The following PRDM13 variants were observed in gnomAD, a reference collection of about 807,000 sequenced individuals.
PRDM13 encodes PR domain zinc finger protein 13.
A neutral mutation model predicts 36.4 loss-of-function variants in PRDM13; 15 were observed. The observed-to-expected ratio is 0.41, with a 90% CI of 0.28 to 0.64. PRDM13 has a LOEUF of 0.64. Among genes scored for constraint, PRDM13 ranks in the 30% least tolerant of loss-of-function variants. The pLI, the probability that PRDM13 is intolerant of heterozygous loss-of-function variation, is 0.29. For missense variants in PRDM13, 1,044 were observed against 1,013.5 expected (o/e 1.03, Z -0.41); for synonymous variants, 531 against 467.7 (o/e 1.14, Z -1.75).
Position 99,614,832 on chromosome 6 carries a change from C to T in PRDM13, c.*73C>T, listed in dbSNP as rs1023047345. 3 of 1,503,058 alleles carry T rather than the reference C, an allele frequency of 2.0e-6. No individual in the cohort carries two copies. Among genetic ancestry groups the T allele is most frequent in the South Asian group, 1.3e-5 (1 of 74,552 alleles). 93.1% of individuals were successfully genotyped at this position (1,503,058 alleles called of 1,614,324 possible). ...GTTTATTCTCGCAGTAGAGGAACTCCTGGTGGTGGGAAGAGGGACCCAATG... is the reference window on the plus strand; with the variant it reads ...GTTTATTCTCGCAGTAGAGGAACTCTTGGTGGTGGGAAGAGGGACCCAATG... On this transcript the variant is annotated 3_prime_UTR_variant, in exon 4 of 4. Transcript: ENST00000369215.
rs1255626650 is a variant in PRDM13 at position 99,608,883 on chromosome 6, C to A, written c.276+11C>A. On this transcript the variant is annotated intron_variant, in intron 2 of 3. Coordinates refer to ENST00000369215, the MANE Select transcript of PRDM13 (RefSeq NM_021620.4). The stretch of plus-strand genomic sequence containing the variant: ...TTACCCGGAGGACAGGTACTGCGGG[C>A]TTCTCTCCACACCCCCCCACTCCCC... 2.5e-6 allele frequency: 4 copies of A among 1,607,656 alleles called. No individual in the cohort carries two copies. Among genetic ancestry groups the A allele is most frequent in the Middle Eastern group, 3.3e-4 (2 of 6,054 alleles).
At position 99,614,006 on chromosome 6, in the gene PRDM13, C is replaced by T. The variant is rs750384764; in HGVS notation, c.1371C>T (p.Ala457=). The T allele has an allele frequency of 2.5e-6, 4 of 1,609,980 alleles. No individual in the cohort carries two copies. In the South Asian group the frequency reaches 4.4e-5, roughly 18 times the overall value. Residue 457 remains alanine, a synonymous_variant, in exon 4 of 4, where the codon GCC becomes GCT. Transcript: ENST00000369215. Reference sequence around the variant, plus strand: ...GTGGTGAGTGCAGCCACCTGCCCGCCGTCATGCCGGCCTTTACAGTCTACA... The same window carrying T: ...GTGGTGAGTGCAGCCACCTGCCCGCTGTCATGCCGGCCTTTACAGTCTACA... ...YPGGECSHLP[A]VMPAFTVYNG...
In PRDM13 at chr6:99,609,257, C is replaced by T. The variant is rs749557125; in HGVS notation, c.347C>T (p.Ala116Val). 6.2e-7 allele frequency: 1 copy of T among 1,613,898 alleles called. No individual in the cohort carries two copies. Among genetic ancestry groups the T allele is most frequent in the South Asian group, 1.1e-5 (1 of 91,062 alleles). Residue 116 changes from alanine to valine, a missense_variant, in exon 3 of 4, where the codon GCT (alanine) becomes GTT (valine). Physicochemically the swap from Ala to Val is moderately conservative, Grantham distance 64. Transcript: ENST00000369215. ...ACAGTGTGGTATTCTAACTCCTTGGCTCAGTGGTTCGACATCCCCACCACA... is the reference window on the plus strand; with the variant it reads ...ACAGTGTGGTATTCTAACTCCTTGGTTCAGTGGTTCGACATCCCCACCACA... ...ELTVWYSNSL[A>V]QWFDIPTTAT... is the part of the protein sequence containing the mutation.
intron 3 of PRDM13, among the ~76,000 whole-genome samples, chr6:99,612,043 A>G (rs1178471753): frequency 2.0e-5 from 3 of 152,244 alleles, no homozygotes; most frequent in African/African-American, 7.2e-5. Flanking sequence ...TAATAATACT[A>G]AACACATAAA....
At position 99,613,214 on chromosome 6, in the gene PRDM13, A is replaced by G. The variant is rs1583615998; in HGVS notation, c.579A>G (p.Lys193=). 10 of 1,610,808 alleles carry G rather than the reference A, an allele frequency of 6.2e-6. No homozygotes were observed. Among genetic ancestry groups the G allele is most frequent in the Non-Finnish European group, 8.5e-6 (10 of 1,179,454 alleles). The change falls in exon 4 of 4, where the codon AAA becomes AAG. Residue 193 remains lysine (K), a synonymous_variant. Coordinates refer to ENST00000369215, the MANE Select transcript of PRDM13 (RefSeq NM_021620.4). This position sits in a 1 kb window ranked among gnomAD's most constrained non-coding sequence, Gnocchi z 6.1. The part of the protein sequence containing the change: ...PAADGLGLSP[K]PPAPDFAAPS... Reference sequence around the variant, plus strand: ...CTGATGGCCTCGGTCTCTCCCCAAAACCCCCGGCGCCCGATTTCGCCGCGC... The same window carrying G: ...CTGATGGCCTCGGTCTCTCCCCAAAGCCCCCGGCGCCCGATTTCGCCGCGC...
chr6:99,612,745 C>T (rs1244652888), intron 3 of PRDM13, among the ~76,000 whole-genome samples: 1 of 152,200 alleles, frequency 6.6e-6, no homozygotes, highest in East Asian at 1.9e-4. Flanking sequence ...CTGAGTGCTG[C>T]CCTTCCAACG....
chr6:99,612,892 G>T, intron 3 of PRDM13, 141 bp from the exon 4 acceptor site: 1 of 1,460,482 alleles, frequency 6.8e-7, no homozygotes. Flanking sequence ...CCTCGATACA[G>T]TAGGGCTACC....
At chr6:99,612,546 A>C (rs1364897735) in intron 3 of PRDM13, among the ~76,000 whole-genome samples, 1 of 152,188 alleles carries the variant, frequency 6.6e-6, no homozygotes, top group Non-Finnish European at 1.5e-5. Flanking sequence ...TGGCCTATAC[A>C]TACAGGATAT....
chr6:99,608,922 T>A (rs1416116556), intron 2 of PRDM13, 50 bp downstream of exon 2: 1 of 1,585,662 alleles, frequency 6.3e-7, no homozygotes, highest in Admixed American at 1.8e-5. Context: ...GCCAATTCAG[T>A]CTACCTAACC....
chr6:99,612,724 G>A (rs1770049127), intron 3 of PRDM13, among the ~76,000 whole-genome samples: 1 of 152,136 alleles, frequency 6.6e-6, no homozygotes, highest in Non-Finnish European at 1.5e-5. Flanking sequence ...GCTCTTACAC[G>A]GCCAGCCTGC....
In PRDM13 at chr6:99,607,192, A is replaced by G. The variant is rs779451337; in HGVS notation, c.144+14A>G. 16 of 1,612,690 alleles carry G rather than the reference A, an allele frequency of 9.9e-6. No homozygotes were observed. In the East Asian group the frequency reaches 1.3e-4, roughly 13 times the overall value. On this transcript the variant is annotated intron_variant, in intron 1 of 3. Transcript: ENST00000369215. Reference sequence around the variant, plus strand: ...CCTAAGAAAAAGGTATTGACCATTCAGACCTCTGCCCACTGCCATTCGCCT... The same window carrying G: ...CCTAAGAAAAAGGTATTGACCATTCGGACCTCTGCCCACTGCCATTCGCCT...
Position 99,614,237 on chromosome 6 carries a change from C to T in PRDM13, c.1602C>T (p.Ala534=), listed in dbSNP as rs1368197710. The change falls in exon 4 of 4, where the codon GCC becomes GCT. Residue 534 remains alanine, a synonymous_variant. Transcript: ENST00000369215. Reference sequence around the variant, plus strand: ...ATCAGCAGCTGTCCGAGATGGCTGCCGGGAAGGGTCGCGGACGCCTGGACT... The same window carrying T: ...ATCAGCAGCTGTCCGAGATGGCTGCTGGGAAGGGTCGCGGACGCCTGGACT... ...MHNQQLSEMA[A]GKGRGRLDSG... 5.0e-6 allele frequency: 8 copies of T among 1,609,224 alleles called. No individual in the cohort carries two copies. The highest frequency in any genetic ancestry group is 1.3e-5 in the African/African-American group (1 of 74,994).
intron 3 of PRDM13, 145 bp from the exon 4 acceptor site, chr6:99,612,888 T>C (rs1458544512): frequency 2.1e-6 from 3 of 1,451,246 alleles, no homozygotes; most frequent in African/African-American, 1.4e-5. Context: ...GGGTCCTCGA[T>C]ACAGTAGGGC....
In PRDM13 at chr6:99,613,823, G is replaced by A. The variant is rs1014994212; in HGVS notation, c.1188G>A (p.Pro396=). The A allele has an allele frequency of 6.9e-5, 105 of 1,511,014 alleles. No homozygotes were observed. The African/African-American group carries it at 1.1e-3, about 16-fold the overall frequency. 93.6% of individuals were successfully genotyped at this position (1,511,014 alleles called of 1,614,324 possible). ...GCTTCCCTCTGCTCTCCGTCCCCCC[G>A]GAAGAGGCGTCCGCCTTCAAGCACG... is the stretch of plus-strand genomic sequence containing the variant. ...LRGFPLLSVP[P]EEASAFKHVE... The change falls in exon 4 of 4, where the codon CCG becomes CCA. Residue 396 remains proline, a synonymous_variant. Coordinates refer to ENST00000369215, the MANE Select transcript of PRDM13 (RefSeq NM_021620.4). The surrounding 1 kb of genome is among the most constrained non-coding windows in gnomAD (Gnocchi z 6.1).
chr6:99,611,543 C>T (rs1411456002), intron 3 of PRDM13, among the ~76,000 whole-genome samples: 1 of 152,154 alleles, frequency 6.6e-6, no homozygotes, highest in Admixed American at 6.5e-5. Flanking sequence ...TAGGCAAATA[C>T]TCTTCTCCCA....
Position 99,606,942 on chromosome 6 carries a change from G to A in PRDM13, c.-93G>A. The A allele has an allele frequency of 1.4e-6, 2 of 1,415,652 alleles. No homozygotes were observed. Among genetic ancestry groups the A allele is most frequent in the East Asian group, 2.6e-5 (1 of 38,138 alleles). The allele number at this position is 1,415,652 out of a possible 1,614,324, so 87.7% of individuals were successfully genotyped here. ...GGGCGGAGGACGCACGTCGGGGCGC[G>A]GCTCTCTGGCTAGCGCGCAGCTCCA... On this transcript the variant is annotated 5_prime_UTR_variant, in exon 1 of 4. Coordinates refer to ENST00000369215, the MANE Select transcript of PRDM13 (RefSeq NM_021620.4).
In PRDM13 at chr6:99,613,179, G is replaced by A. The variant is rs767483116; in HGVS notation, c.544G>A (p.Val182Ile). The stretch of plus-strand genomic sequence containing the variant: ...CGAACACGCGGCTCGCCAAGGCGCC[G>A]TCCCAGCGGCTGATGGCCTCGGTCT... ...HHEHAARQGAVPAADGLGLSP... is the reference protein window; with the variant it reads ...HHEHAARQGAIPAADGLGLSP... Residue 182 changes from valine to isoleucine, a missense_variant, in exon 4 of 4, where the codon GTC becomes ATC. Val to Ile is a conservative substitution (Grantham distance 29, BLOSUM62 3). This residue lies in a region of PRDM13 where 921 missense variants were observed against 865.2 expected (regional missense o/e 1.06). Transcript: ENST00000369215. This position sits in a 1 kb window ranked among gnomAD's most constrained non-coding sequence, Gnocchi z 6.1. 24 of 1,612,656 alleles carry A rather than the reference G, an allele frequency of 1.5e-5. No homozygotes were observed. The East Asian group carries it at 3.6e-4, about 24-fold the overall frequency.
In PRDM13 at chr6:99,613,958, G is replaced by C. The variant is rs769989460; in HGVS notation, c.1323G>C (p.Pro441=). The C allele has an allele frequency of 1.3e-6, 2 of 1,593,302 alleles. No individual in the cohort carries two copies. The highest frequency in any genetic ancestry group is 2.4e-5 in the East Asian group (1 of 42,396). Residue 441 remains proline, a synonymous_variant, in exon 4 of 4, where the codon CCG becomes CCC. Coordinates refer to ENST00000369215, the MANE Select transcript of PRDM13 (RefSeq NM_021620.4). The surrounding 1 kb of genome is among the most constrained non-coding windows in gnomAD (Gnocchi z 6.1). The part of the protein sequence containing the change: ...LERCALPPLD[P]GGLKAYPGGE... ...GCTGCGCGCTGCCGCCCCTCGACCC[G>C]GGCGGTCTCAAAGCCTATCCGGGTG...
Position 99,607,055 on chromosome 6 carries a change from G to C in PRDM13, c.21G>C (p.Ala7=), listed in dbSNP as rs1211721923. Residue 7 remains alanine (A), a synonymous_variant, in exon 1 of 4, where the codon GCG becomes GCC. Transcript: ENST00000369215. ...CAACAATGCACGGAGCCGCCAGAGC[G>C]CCAGCCACCAGCGTGAGTGCCGACT... MHGAAR[A]PATSVSADCC... 1.2e-6 allele frequency: 2 copies of C among 1,611,670 alleles called. No homozygotes were observed. Among genetic ancestry groups the C allele is most frequent in the South Asian group, 1.1e-5 (1 of 90,954 alleles).
Sources: allele counts gnomAD v4.1 joint callset (sites outside exome capture counted in the v4.1 genomes callset), GRCh38; gene constraint gnomAD v4.1.1; regional missense constraint gnomAD v4.1.1; non-coding constraint Gnocchi (gnomAD v3.1); transcripts MANE v1.5; gene names NCBI Gene and HGNC (gene_info 2026-07-23, HGNC 2026-07-21).